The following ADGRG7 variants were observed in gnomAD, a reference collection of about 807,000 sequenced individuals.
ADGRG7 encodes G-protein coupled receptor 128.
ADGRG7 carries 82 observed loss-of-function variants against 88.6 expected under a neutral mutation model. That is an observed-to-expected ratio of 0.93 (90% CI 0.77 to 1.11). The LOEUF (loss-of-function observed/expected upper bound fraction) is 1.11, where lower values mean the gene tolerates loss of function less well. ADGRG7 is among the 50% of genes most tolerant of loss of function. The pLI is 0.00. For missense variants in ADGRG7, 945 were observed against 953.4 expected (o/e 0.99, Z 0.12); for synonymous variants, 381 against 345.2 (o/e 1.10, Z -1.15).
At chr3:100,630,102 C>T (rs958316331) in intron 2 of ADGRG7, among the ~76,000 whole-genome samples, 7 of 152,092 alleles carry the variant, frequency 4.6e-5, no homozygotes, top group African/African-American at 1.4e-4. Flanking sequence ...TATGCATCTT[C>T]CTGAGTATAT....
chr3:100,678,095 C>T (rs926351566), intron 15 of ADGRG7, among the ~76,000 whole-genome samples: 1 of 151,776 alleles, frequency 6.6e-6, no homozygotes, highest in Non-Finnish European at 1.5e-5. Context: ...ATCTTGTGGG[C>T]ATGCATCATT....
intron 15 of ADGRG7, among the ~76,000 whole-genome samples, chr3:100,687,752 T>C (rs546680899): frequency 6.6e-6 from 1 of 152,376 alleles, no homozygotes; most frequent in East Asian, 1.9e-4. Flanking sequence ...GGATAAGCTT[T>C]CTGATGTGCT....
intron 14 of ADGRG7, among the ~76,000 whole-genome samples, chr3:100,668,018 C>G (rs2094953952): frequency 6.6e-6 from 1 of 152,142 alleles, no homozygotes; most frequent in Non-Finnish European, 1.5e-5. Flanking sequence ...ACCCTCACAG[C>G]TTTCCTTGGG....
At chr3:100,620,252 A>G (rs1707291114) in intron 1 of ADGRG7, among the ~76,000 whole-genome samples, 1 of 152,254 alleles carries the variant, frequency 6.6e-6, no homozygotes, top group Non-Finnish European at 1.5e-5. Context: ...GGCTGGTTCA[A>G]CATACGCAAA....
At chr3:100,670,484 A>C (rs1294043680) in intron 15 of ADGRG7, among the ~76,000 whole-genome samples, 1 of 152,126 alleles carries the variant, frequency 6.6e-6, no homozygotes, top group Admixed American at 6.5e-5. Flanking sequence ...GAGTGCAGAT[A>C]TTTCTTTGAT....
intron 1 of ADGRG7, among the ~76,000 whole-genome samples, chr3:100,614,980 A>G (rs1707203751): frequency 6.6e-6 from 1 of 152,228 alleles, no homozygotes; most frequent in African/African-American, 2.4e-5. Context: ...TATTATTATC[A>G]TACTGATGTT....
chr3:100,642,717 A>C (rs1707664271), intron 6 of ADGRG7, among the ~76,000 whole-genome samples: 1 of 152,226 alleles, frequency 6.6e-6, no homozygotes, highest in Non-Finnish European at 1.5e-5. Flanking sequence ...GCCAAAGTAG[A>C]AAAGAACATT....
intron 10 of ADGRG7, among the ~76,000 whole-genome samples, chr3:100,649,337 G>A (rs926242298): frequency 3.3e-5 from 5 of 152,152 alleles, no homozygotes; most frequent in African/African-American, 9.7e-5. Context: ...GTATATGCAG[G>A]TCAGCTTTCC....
Position 100,656,006 on chromosome 3 carries a change from A to AT in ADGRG7, c.1823+18dup, listed in dbSNP as rs778527757. 6.6e-7 allele frequency: 1 copy of AT among 1,515,442 alleles called. No individual in the cohort carries two copies. The highest frequency in any genetic ancestry group is 9.2e-7 in the Non-Finnish European group (1 of 1,090,682). 93.9% of individuals were successfully genotyped at this position (1,515,442 alleles called of 1,614,324 possible). On this transcript the variant is annotated intron_variant, in intron 13 of 15. Coordinates refer to ENST00000273352, the MANE Select transcript of ADGRG7 (RefSeq NM_032787.3). The stretch of plus-strand genomic sequence containing the variant: ...CCGGCAAGAGAAAATGTGAGTTTAT[A>AT]TTTTTTTAAATGTCCAATTGTTTGA...
chr3:100,654,583 A>T (rs2094934951), intron 11 of ADGRG7: 1 of 332,800 alleles, frequency 3.0e-6, no homozygotes, highest in Admixed American at 4.5e-5. Flanking sequence ...ATCACTTTTG[A>T]TCAGAACACA....
rs1357017865 is a variant in ADGRG7 at position 100,649,318 on chromosome 3, G to A, written c.1267-377G>A. ...TGGAAAATAACAGTATTTTCAGAGT[G>A]CAAAACTGGTATATGCAGGTCAGCT... On this transcript the variant is annotated intron_variant, in intron 10 of 15. Coordinates refer to ENST00000273352, the MANE Select transcript of ADGRG7 (RefSeq NM_032787.3). Among the ~76,000 whole-genome samples the A allele has an allele frequency of 8.7e-4, 132 of 152,202 alleles. 2 individuals are homozygous for A. Among genetic ancestry groups the A allele is most frequent in the Non-Finnish European group, 4.4e-5 (3 of 68,042 alleles).
At chr3:100,689,521 C>A (rs1401245974) in intron 15 of ADGRG7, among the ~76,000 whole-genome samples, 1 of 152,118 alleles carries the variant, frequency 6.6e-6, no homozygotes, top group Non-Finnish European at 1.5e-5. Flanking sequence ...ACCGGTTATT[C>A]CTTTCCATAT....
chr3:100,637,381 C>T lies in ADGRG7; in HGVS notation c.677C>T (p.Ala226Val), dbSNP rs988006107. The change falls in exon 6 of 16, where the codon GCT becomes GTT. Residue 226 changes from alanine (A) to valine (V), a missense_variant. Physicochemically the swap from Ala to Val is moderately conservative, Grantham distance 64. Transcript: ENST00000273352. Reference sequence around the variant, plus strand: ...GCTTTTCAAAGAGTTGCTGCTACTGCTAATGATGATGCCCTTACAACGTAA... The same window carrying T: ...GCTTTTCAAAGAGTTGCTGCTACTGTTAATGATGATGCCCTTACAACGTAA... ...EDAFQRVAATANDDALTTLIE... is the reference protein window; with the variant it reads ...EDAFQRVAATVNDDALTTLIE... 1.9e-6 allele frequency: 3 copies of T among 1,612,786 alleles called. No individual in the cohort carries two copies. The African/African-American group carries it at 4.0e-5, about 22-fold the overall frequency.
intron 13 of ADGRG7, 32 bp from the exon 14 acceptor site, chr3:100,659,656 T>C (rs1376493017): frequency 6.2e-7 from 1 of 1,607,320 alleles, no homozygotes. Flanking sequence ...CCTTTCTTAG[T>C]CTGCTGAAGC....
intron 8 of ADGRG7, among the ~76,000 whole-genome samples, chr3:100,645,636 C>T (rs758189864): frequency 1.1e-4 from 16 of 152,070 alleles, no homozygotes; most frequent in Admixed American, 2.6e-4. Flanking sequence ...TAAAGCAAGA[C>T]GTTTACTTTA....
chr3:100,661,907 C>T (rs2094946098), intron 14 of ADGRG7, among the ~76,000 whole-genome samples: 1 of 152,242 alleles, frequency 6.6e-6, no homozygotes, highest in Middle Eastern at 3.4e-3. Context: ...TACATCCTCA[C>T]AGAAGTTGTA....
intron 13 of ADGRG7, among the ~76,000 whole-genome samples, chr3:100,656,959 C>T (rs1196720215): frequency 1.3e-5 from 2 of 152,122 alleles, no homozygotes; most frequent in Non-Finnish European, 2.9e-5. Flanking sequence ...ACCCAAGATG[C>T]AAATATCTCA....
At chr3:100,615,501 G>T (rs1454149356) in intron 1 of ADGRG7, among the ~76,000 whole-genome samples, 2 of 152,154 alleles carry the variant, frequency 1.3e-5, no homozygotes, top group African/African-American at 2.4e-5. Context: ...TGGCAAAGAA[G>T]CCAGTCAGCA....
At chr3:100,658,123 G>A (rs1374665417) in intron 13 of ADGRG7, among the ~76,000 whole-genome samples, 1 of 152,114 alleles carries the variant, frequency 6.6e-6, no homozygotes, top group Non-Finnish European at 1.5e-5. Flanking sequence ...GTCTTCCCCA[G>A]TTAATAGTAA....
Sources: gnomAD v4.1 joint callset for allele counts (sites outside exome capture counted in the v4.1 genomes callset) on GRCh38, gnomAD v4.1.1 for gene constraint, MANE v1.5 for transcripts, NCBI Gene and HGNC (gene_info 2026-07-23, HGNC 2026-07-21) for gene names.